Variants in CTNNA3 observed in about 807,000 individuals in gnomAD.
CTNNA3 encodes the protein catenin alpha 3, also known as catenin alpha-3.
In CTNNA3, 76 loss-of-function variants were observed where a neutral mutation model predicts 95.7. The ratio of observed to expected loss-of-function variants is 0.79; its 90% CI spans 0.66 to 0.96. CTNNA3 has a LOEUF of 0.96. Ranked by LOEUF, CTNNA3 falls within the 40% of genes least tolerant of loss-of-function variation. The pLI is 0.00. For synonymous variants in CTNNA3, 431 were observed against 374.4 expected, an observed-to-expected ratio of 1.15 and a Z score of -1.74; for missense variants, 1,191 against 1,089.8, an observed-to-expected ratio of 1.09 and a Z score of -1.31.
chr10:67,295,514 C>A (rs1226137102), intron 5 of CTNNA3, among the ~76,000 whole-genome samples: 1 of 152,112 alleles, frequency 6.6e-6, no homozygotes, highest in Non-Finnish European at 1.5e-5. Context: ...CATTCTTACT[C>A]CAGGAGTTTT....
intron 5 of CTNNA3, among the ~76,000 whole-genome samples, chr10:67,300,834 T>C (rs1002749836): frequency 2.0e-5 from 3 of 152,186 alleles, no homozygotes; most frequent in African/African-American, 7.2e-5. Context: ...GACCAGGCCT[T>C]GTACCTTCCC....
At chr10:67,726,225 A>G (rs1272223086) in intron 1 of CTNNA3, among the ~76,000 whole-genome samples, 11 of 94,006 alleles carry the variant, frequency 1.2e-4, no homozygotes, top group African/African-American at 4.9e-4. Context: ...ATAATACATC[A>G]TACATTATAT....
intron 13 of CTNNA3, among the ~76,000 whole-genome samples, chr10:66,184,173 C>G (rs868813696): frequency 6.6e-6 from 1 of 152,026 alleles, no homozygotes; most frequent in African/African-American, 2.4e-5. Context: ...GGGGTGGGCG[C>G]CTGTAATCCC....
chr10:65,934,366 T>C (rs2077303452), intron 17 of CTNNA3, among the ~76,000 whole-genome samples: 2 of 152,238 alleles, frequency 1.3e-5, no homozygotes, highest in South Asian at 4.2e-4. Context: ...TGTTCAAAAA[T>C]ATGCAGACTC....
chr10:67,097,000 C>G lies in CTNNA3; in HGVS notation c.1047+83317G>C, dbSNP rs181855665. The stretch of plus-strand genomic sequence containing the variant: ...CAGAATGGCTTGTCTAGATAATTCT[C>G]TTCTGCAATGGTTATCGAAGTGTGG... On this transcript the variant is annotated intron_variant, in intron 7 of 17. Transcript: ENST00000433211. Among the ~76,000 whole-genome samples, 22 of 151,974 alleles carry G rather than the reference C, an allele frequency of 1.4e-4. No individual in the cohort carries two copies. In the East Asian group the frequency reaches 4.3e-3, roughly 30 times the overall value.
intron 5 of CTNNA3, among the ~76,000 whole-genome samples, chr10:67,410,375 A>C (rs1406100991): frequency 1.3e-5 from 2 of 152,168 alleles, no homozygotes; most frequent in Non-Finnish European, 1.5e-5. Context: ...GAGAGGAGGG[A>C]GAGGATGAGG....
chr10:66,928,264 A>C, intron 7 of CTNNA3: 1 of 1,614,168 alleles, frequency 6.2e-7, no homozygotes, highest in Non-Finnish European at 8.5e-7. Context: ...TGCGAGCATG[A>C]AGCAGCTGCA....
intron 3 of CTNNA3, among the ~76,000 whole-genome samples, chr10:67,603,524 T>C (rs550522962): frequency 2.0e-5 from 3 of 152,204 alleles, no homozygotes; most frequent in Admixed American, 1.3e-4. Context: ...GGCAGTGATA[T>C]TGATAGCCCT....
intron 7 of CTNNA3, among the ~76,000 whole-genome samples, chr10:66,960,732 C>T (rs753781010): frequency 6.6e-6 from 1 of 152,080 alleles, no homozygotes; most frequent in East Asian, 1.9e-4. Context: ...GGGGGAAATA[C>T]AGAACAGAAC....
At chr10:67,548,941 C>T (rs1471058033) in intron 3 of CTNNA3, among the ~76,000 whole-genome samples, 1 of 151,666 alleles carries the variant, frequency 6.6e-6, no homozygotes, top group Non-Finnish European at 1.5e-5. Flanking sequence ...TTAAAATAGG[C>T]GAAGAGTCTA....
chr10:66,380,625 CTATATA>C (rs57630837), intron 11 of CTNNA3, among the ~76,000 whole-genome samples: 1 of 122,874 alleles, frequency 8.1e-6, no homozygotes, highest in African/African-American at 3.0e-5. Context: ...ATCTATCTAT[CTATATA>C]TATATATATA....
At chr10:67,661,449 C>T (rs1288113859) in intron 1 of CTNNA3, among the ~76,000 whole-genome samples, 1 of 152,034 alleles carries the variant, frequency 6.6e-6, no homozygotes, top group Admixed American at 6.5e-5. Context: ...GGACCTAAAG[C>T]TATTAAACTT....
intron 7 of CTNNA3, among the ~76,000 whole-genome samples, chr10:66,875,393 T>TG (rs1491198874): frequency 1.5e-5 from 1 of 66,162 alleles, no homozygotes; most frequent in Non-Finnish European, 3.9e-5. Flanking sequence ...ATCACTGTTA[T>TG]TTAAAAAAAA....
chr10:66,599,248 T>C (rs932261894), intron 10 of CTNNA3, among the ~76,000 whole-genome samples: 5 of 152,054 alleles, frequency 3.3e-5, no homozygotes, highest in African/African-American at 1.2e-4. Context: ...TTATTATTTA[T>C]TGACAGTTGA....
intron 1 of CTNNA3, among the ~76,000 whole-genome samples, chr10:67,712,709 G>T (rs533518057): frequency 8.5e-5 from 13 of 152,332 alleles, no homozygotes; most frequent in African/African-American, 3.1e-4. Context: ...TAATAAATGT[G>T]TTGGGAAAAC....
At chr10:66,296,368 C>T (rs1341825783) in intron 12 of CTNNA3, among the ~76,000 whole-genome samples, 3 of 152,004 alleles carry the variant, frequency 2.0e-5, no homozygotes, top group Non-Finnish European at 1.5e-5. Context: ...TGATTCATCA[C>T]CATATTAAAA....
chr10:66,570,538 C>A (rs192626926), intron 10 of CTNNA3, among the ~76,000 whole-genome samples: 6 of 152,032 alleles, frequency 3.9e-5, no homozygotes, highest in African/African-American at 1.4e-4. Flanking sequence ...CCACCCACCT[C>A]GGCCTCCCAA....
chr10:67,058,074 A>C (rs562856083), intron 7 of CTNNA3, among the ~76,000 whole-genome samples: 2 of 152,280 alleles, frequency 1.3e-5, no homozygotes, highest in East Asian at 3.9e-4. Flanking sequence ...TCTTTCAACT[A>C]ATCTTTTCTT....
At chr10:66,617,088 T>C (rs1420247295) in intron 10 of CTNNA3, among the ~76,000 whole-genome samples, 2 of 151,978 alleles carry the variant, frequency 1.3e-5, no homozygotes, top group Non-Finnish European at 2.9e-5. Context: ...TAATGGTGAA[T>C]AAGGGAGATC....
Sources: allele counts gnomAD v4.1 joint callset (sites outside exome capture counted in the v4.1 genomes callset), GRCh38; gene constraint gnomAD v4.1.1; transcripts MANE v1.5; gene names NCBI Gene and HGNC (gene_info 2026-07-23, HGNC 2026-07-21).